The following TNN variants were observed in gnomAD, a reference collection of about 807,000 sequenced individuals.
The protein encoded by TNN is tenascin-N.
Under a neutral mutation model 134.4 loss-of-function variants are expected in TNN, and 122 were observed. The ratio of observed to expected loss-of-function variants is 0.91; its 90% CI spans 0.78 to 1.06. The LOEUF (loss-of-function observed/expected upper bound fraction) is 1.06, where lower values mean the gene tolerates loss of function less well. Ranked by LOEUF, TNN falls within the 50% of genes least tolerant of loss-of-function variation. TNN has a pLI of 0.00. For synonymous variants in TNN, 710 were observed against 670.3 expected (o/e 1.06, Z -0.91); for missense variants, 1,739 against 1,699.4 (o/e 1.02, Z -0.41).
chr1:175,111,700 G>T (rs754422630), intron 9 of TNN, among the ~76,000 whole-genome samples: 1 of 151,362 alleles, frequency 6.6e-6, no homozygotes, highest in Non-Finnish European at 1.5e-5. Context: ...TCCTTGCAGC[G>T]ATCTTTCACC....
chr1:175,075,398 A>G (rs1574138027), intron 1 of TNN, among the ~76,000 whole-genome samples: 1 of 152,130 alleles, frequency 6.6e-6, no homozygotes, highest in Non-Finnish European at 1.5e-5. Context: ...CCCGGGTTCC[A>G]GCAGTTCTCT....
Position 175,096,388 on chromosome 1 carries a change from T to G in TNN, c.1589-1029T>G, listed in dbSNP as rs572697312. Among the ~76,000 whole-genome samples the G allele has an allele frequency of 3.2e-4, 49 of 152,276 alleles. No individual in the cohort carries two copies. The South Asian group carries it at 1.0e-2, about 31-fold the overall frequency. ...GCTCAGAATCCTGGGTGCTAAATCA[T>G]TTGTCCTCATGTCAGATGTCTGTGG... On this transcript the variant is annotated intron_variant, in intron 7 of 18. Coordinates refer to ENST00000239462, the MANE Select transcript of TNN (RefSeq NM_022093.2).
In TNN at chr1:175,097,309, TAG is replaced by T. The variant is rs578146472; in HGVS notation, c.1589-104_1589-103del. 951 of 1,400,834 alleles carry T rather than the reference TAG, an allele frequency of 6.8e-4. 2 individuals are homozygous for T. The highest frequency in any genetic ancestry group is 8.7e-4 in the Non-Finnish European group (882 of 1,015,554). 86.8% of individuals were successfully genotyped at this position (1,400,834 alleles called of 1,614,324 possible). Reference sequence around the variant, plus strand: ...TACATTAACTCAATCATTGACATATTAGAGACTCTGACATTTGTTGAGGTTAT... The same window carrying T: ...TACATTAACTCAATCATTGACATATTAGACTCTGACATTTGTTGAGGTTAT... On this transcript the variant is annotated intron_variant, in intron 7 of 18. Coordinates refer to ENST00000239462, the MANE Select transcript of TNN (RefSeq NM_022093.2).
At chr1:175,109,340 G>A (rs753137375) in intron 9 of TNN, among the ~76,000 whole-genome samples, 30 of 150,818 alleles carry the variant, frequency 2.0e-4, no homozygotes, top group Non-Finnish European at 3.3e-4. Context: ...CACCCGCCTC[G>A]GCCTCCCAAA....
chr1:175,111,731 T>C (rs1210069075), intron 9 of TNN, among the ~76,000 whole-genome samples: 3 of 152,044 alleles, frequency 2.0e-5, no homozygotes, highest in Non-Finnish European at 4.4e-5. Flanking sequence ...AATTTATTTA[T>C]GGGTGTGTTT....
In TNN at chr1:175,128,017, T is replaced by A; in HGVS notation, c.3046-15T>A. On this transcript the variant is annotated splice_polypyrimidine_tract_variant and intron_variant, in intron 13 of 18. Coordinates refer to ENST00000239462, the MANE Select transcript of TNN (RefSeq NM_022093.2). Reference sequence around the variant, plus strand: ...ACTGAGTCACTGGCTGTCTAATCTCTCCCTTGTTTGGTAGGAGATGCAGCT... The same window carrying A: ...ACTGAGTCACTGGCTGTCTAATCTCACCCTTGTTTGGTAGGAGATGCAGCT... The A allele has an allele frequency of 1.9e-6, 3 of 1,614,092 alleles. No homozygotes were observed. The highest frequency in any genetic ancestry group is 2.5e-6 in the Non-Finnish European group (3 of 1,179,962).
At position 175,120,951 on chromosome 1, in the gene TNN, C is replaced by T. The variant is rs142900719; in HGVS notation, c.2650+2127C>T. Among the ~76,000 whole-genome samples the T allele has an allele frequency of 1.2e-3, 180 of 152,228 alleles. 1 individual carries two copies. Among genetic ancestry groups the T allele is most frequent in the African/African-American group, 4.1e-3 (172 of 41,522 alleles). ...AAGTAGCTGGGACCATAGGCACGTG[C>T]CACTAAACCTGTAATTTTTTATTTC... is the stretch of plus-strand genomic sequence containing the variant. On this transcript the variant is annotated intron_variant, in intron 11 of 18. Transcript: ENST00000239462.
chr1:175,122,457 GCT>G (rs199501386), intron 11 of TNN, among the ~76,000 whole-genome samples: 92,990 of 151,024 alleles, frequency 0.62, 28,622 homozygotes, highest in Admixed American at 0.64. Flanking sequence ...TTTGAAGGTT[GCT>G]AACAAAGGAC....
At chr1:175,107,003 G>C (rs1372880968) in intron 9 of TNN, among the ~76,000 whole-genome samples, 1 of 146,128 alleles carries the variant, frequency 6.8e-6, no homozygotes, top group Non-Finnish European at 1.5e-5. Flanking sequence ...CAAGTGAAAG[G>C]GGTCCGATGG....
intron 3 of TNN, 128 bp downstream of exon 3, chr1:175,079,835 C>T: frequency 7.7e-7 from 1 of 1,298,322 alleles, no homozygotes; most frequent in Non-Finnish European, 1.0e-6. Flanking sequence ...GAGTCCCAAC[C>T]CCAGAGTTTC....
At chr1:175,072,500 C>A (rs1454869283) in intron 1 of TNN, among the ~76,000 whole-genome samples, 2 of 152,174 alleles carry the variant, frequency 1.3e-5, no homozygotes, top group Non-Finnish European at 2.9e-5. Context: ...AAATCTTCTG[C>A]CCTGTCTGCC....
rs997520176 is a variant in TNN, at chr1:175,105,770, G to A, written c.2119+7175G>A. On this transcript the variant is annotated intron_variant, in intron 9 of 18. Transcript: ENST00000239462. ...ATGGCTTAGGATGCATTTCAAGGGTGAACCTGTTGATGCCTGAGTGTTTCC... is the reference window on the plus strand; with the variant it reads ...ATGGCTTAGGATGCATTTCAAGGGTAAACCTGTTGATGCCTGAGTGTTTCC... Among the ~76,000 whole-genome samples, 6 of 145,286 alleles carry A rather than the reference G, an allele frequency of 4.1e-5. 1 individual carries two copies. Among genetic ancestry groups the A allele is most frequent in the African/African-American group, 1.5e-4 (6 of 40,308 alleles).
At chr1:175,119,455 G>A (rs546549058) in intron 11 of TNN, among the ~76,000 whole-genome samples, 108 of 152,046 alleles carry the variant, frequency 7.1e-4, no homozygotes, top group Non-Finnish European at 1.3e-3. Flanking sequence ...CCTGTATCTT[G>A]TGCTGACCTC....
At chr1:175,143,481 C>T (rs995735599) in intron 17 of TNN, among the ~76,000 whole-genome samples, 3 of 151,292 alleles carry the variant, frequency 2.0e-5, no homozygotes, top group Non-Finnish European at 4.4e-5. Context: ...CATGTGTCTC[C>T]AGAAGGGCTC....
intron 18 of TNN, among the ~76,000 whole-genome samples, chr1:175,145,008 G>T (rs926274927): frequency 1.3e-5 from 2 of 152,044 alleles, no homozygotes; most frequent in African/African-American, 4.8e-5. Flanking sequence ...GCTGGCTTGT[G>T]GCTGTGCGTC....
rs148132127 is a variant in TNN at position 175,079,703 on chromosome 1, C to T, written c.780C>T (p.Ala260=). ...CEEGFTGLDC[A]QVVTPQGLQL... is the part of the protein sequence containing the mutation. ...AGGGCTTCACAGGCCTGGACTGTGC[C>T]CAGGGTGAGAGCGGAGATGTGCCCT... The change falls in exon 3 of 19, where the codon GCC becomes GCT. Residue 260 remains alanine, a synonymous_variant. Transcript: ENST00000239462. 6.3e-7 allele frequency: 1 copy of T among 1,591,160 alleles called. No homozygotes were observed. Among genetic ancestry groups the T allele is most frequent in the Non-Finnish European group, 8.6e-7 (1 of 1,166,134 alleles).
At position 175,125,703 on chromosome 1, in the gene TNN, C is replaced by CTCTTTCTT. The variant is rs1173340653; in HGVS notation, c.2915-1204_2915-1197dup. On this transcript the variant is annotated intron_variant, in intron 12 of 18. Coordinates refer to ENST00000239462, the MANE Select transcript of TNN (RefSeq NM_022093.2). ...CCTCCTTTCTTTCTCTCTTTTTTCTCTCTTTCTTTCTTTCTTTCTTTCTTT... is the reference window on the plus strand; with the variant it reads ...CCTCCTTTCTTTCTCTCTTTTTTCTCTCTTTCTTTCTTTCTTTCTTTCTTTCTTTCTTT... Among the ~76,000 whole-genome samples, 165 of 66,392 alleles carry CTCTTTCTT rather than the reference C, an allele frequency of 2.5e-3. 1 individual carries two copies. Among genetic ancestry groups the CTCTTTCTT allele is most frequent in the South Asian group, 7.2e-3 (12 of 1,670 alleles). 43.6% of individuals were successfully genotyped at this position (66,392 alleles called of 152,430 possible).
intron 7 of TNN, among the ~76,000 whole-genome samples, chr1:175,095,840 C>T (rs573217146): frequency 6.6e-6 from 1 of 152,314 alleles, no homozygotes; most frequent in East Asian, 1.9e-4. Context: ...TCCCAAAGTG[C>T]TGGGAAATAC....
At position 175,128,649 on chromosome 1, in the gene TNN, A is replaced by G; in HGVS notation, c.3233A>G (p.Asn1078Ser). 1 of 1,613,984 alleles carries G rather than the reference A, an allele frequency of 6.2e-7. No individual in the cohort carries two copies. The highest frequency in any genetic ancestry group is 8.5e-7 in the Non-Finnish European group (1 of 1,179,954). The change falls in exon 15 of 19, where the codon AAT (asparagine) becomes AGT (serine). Residue 1078 changes from asparagine to serine, a missense_variant. Coordinates refer to ENST00000239462, the MANE Select transcript of TNN (RefSeq NM_022093.2). ...TGCAGTCAGGTTCAGCAGAACAGCAATGCCGCCAGTGGTCTGTACACCATC... is the reference window on the plus strand; with the variant it reads ...TGCAGTCAGGTTCAGCAGAACAGCAGTGCCGCCAGTGGTCTGTACACCATC... The part of the protein sequence containing the change: ...SDCSQVQQNS[N>S]AASGLYTIYL...
Sources: allele counts gnomAD v4.1 joint callset (sites outside exome capture counted in the v4.1 genomes callset), GRCh38; gene constraint gnomAD v4.1.1; transcripts MANE v1.5; gene names NCBI Gene and HGNC (gene_info 2026-07-23, HGNC 2026-07-21).